The following PRKDC variants were observed in gnomAD, a reference collection of about 807,000 sequenced individuals.
PRKDC encodes the protein DNA-dependent protein kinase catalytic subunit.
In PRKDC, 82 loss-of-function variants were observed where a neutral mutation model predicts 486.9. The ratio of observed to expected loss-of-function variants is 0.17; its 90% CI spans 0.14 to 0.20. The LOEUF (loss-of-function observed/expected upper bound fraction) is 0.20. PRKDC is among the 10% of genes least tolerant of loss of function. PRKDC has a pLI of 1.00. For synonymous variants in PRKDC, 1,895 were observed against 1,837.0 expected (o/e 1.03, Z -0.81); for missense variants, 4,504 against 5,038.2 (o/e 0.89, Z 3.21).
intron 54 of PRKDC, among the ~76,000 whole-genome samples, chr8:47,844,836 T>G (rs2088231791): frequency 6.6e-6 from 1 of 152,126 alleles, no homozygotes; most frequent in Non-Finnish European, 1.5e-5. Flanking sequence ...TTTTTTCAAT[T>G]AAGGAAAACA....
intron 54 of PRKDC, 56 bp from the exon 55 acceptor site, chr8:47,840,245 C>A: frequency 7.1e-7 from 1 of 1,412,660 alleles, no homozygotes; most frequent in South Asian, 1.3e-5. Context: ...ATTGCACTTT[C>A]AAAGTATGAC....
At chr8:47,900,320 T>C in intron 28 of PRKDC, 53 bp downstream of exon 28, 1 of 1,336,268 alleles carries the variant, frequency 7.5e-7, no homozygotes, top group Non-Finnish European at 1.0e-6. Flanking sequence ...AACTCCTCAT[T>C]GGGGAAACTC....
At chr8:47,927,388 C>A (rs1402071682) in intron 20 of PRKDC, 35 bp from the exon 21 acceptor site, 2 of 1,575,192 alleles carry the variant, frequency 1.3e-6, no homozygotes, top group Non-Finnish European at 1.7e-6. Context: ...AACTGAAACG[C>A]AGGAAATATA....
chr8:47,888,773 C>A (rs770622888), intron 33 of PRKDC, 123 bp from the exon 34 acceptor site: 3 of 1,341,282 alleles, frequency 2.2e-6, no homozygotes, highest in South Asian at 1.6e-5. Context: ...AGGATCCACA[C>A]GCACTAAGCT....
chr8:47,826,484 C>T lies in PRKDC; in HGVS notation c.8783+172G>A, dbSNP rs8178200. 2.0e-5 allele frequency among the ~76,000 whole-genome samples: 3 copies of T among 152,218 alleles called. No individual in the cohort carries two copies. In the South Asian group the frequency reaches 6.2e-4, roughly 31 times the overall value. ...AGCAAGACATTACTTGTTGTGGCAA[C>T]TGTTCTTGCCTTTGAGAATGGTACT... On this transcript the variant is annotated intron_variant, in intron 63 of 85. Coordinates refer to ENST00000314191, the MANE Select transcript of PRKDC (RefSeq NM_006904.7).
chr8:47,898,637 T>A, intron 28 of PRKDC, 68 bp from the exon 29 acceptor site: 2 of 1,000,752 alleles, frequency 2.0e-6, no homozygotes, highest in Non-Finnish European at 2.6e-6. Context: ...AAATTTGTAT[T>A]ATAAATGTGT....
At chr8:47,835,621 A>C (rs1329744038) in intron 58 of PRKDC, among the ~76,000 whole-genome samples, 18 of 77,588 alleles carry the variant, frequency 2.3e-4, no homozygotes, top group African/African-American at 1.0e-3. Flanking sequence ...ACTCTGTCTC[A>C]AAAAAAAAAA....
At chr8:47,907,201 C>T (rs1314953822) in intron 25 of PRKDC, among the ~76,000 whole-genome samples, 3 of 151,096 alleles carry the variant, frequency 2.0e-5, no homozygotes, top group East Asian at 1.9e-4. Flanking sequence ...CCACCACGCC[C>T]GGCTAATTTT....
chr8:47,796,181 C>T (rs6982040), intron 73 of PRKDC, among the ~76,000 whole-genome samples: 4,388 of 152,106 alleles, frequency 0.029, 213 homozygotes, highest in African/African-American at 0.097. Context: ...GCATGAGCCA[C>T]GGTAAAGAAT....
intron 15 of PRKDC, 60 bp from the exon 16 acceptor site, chr8:47,933,232 A>G: frequency 3.7e-6 from 5 of 1,338,400 alleles, no homozygotes; most frequent in Admixed American, 3.2e-5. Context: ...TTAGTATTTT[A>G]TAAGCATTAA....
chr8:47,788,208 G>C (rs1018784956), intron 76 of PRKDC, among the ~76,000 whole-genome samples: 1 of 152,252 alleles, frequency 6.6e-6, no homozygotes, highest in African/African-American at 2.4e-5. Flanking sequence ...GGAGATCCCT[G>C]CGTGGGGAGG....
chr8:47,774,037 C>T lies in PRKDC; in HGVS notation c.*136G>A. The stretch of plus-strand genomic sequence containing the variant: ...ACTCATCATAATCTTGATTTAAACT[C>T]ATGCTACGAAACTGTAGCACAAAAG... On this transcript the variant is annotated 3_prime_UTR_variant, in exon 86 of 86. Coordinates refer to ENST00000314191, the MANE Select transcript of PRKDC (RefSeq NM_006904.7). The T allele has an allele frequency of 1.2e-6, 1 of 851,748 alleles. No individual in the cohort carries two copies. The highest frequency in any genetic ancestry group is 1.8e-6 in the Non-Finnish European group (1 of 568,614). The allele number at this position is 851,748 out of a possible 1,614,324, so 52.8% of individuals were successfully genotyped here. A position where few individuals can be genotyped will look rare whatever the true frequency, so the allele number is the denominator to read the frequency against.
intron 41 of PRKDC, 144 bp from the exon 42 acceptor site, chr8:47,863,721 C>T: frequency 1.5e-6 from 1 of 657,294 alleles, no homozygotes; most frequent in East Asian, 2.9e-5. Flanking sequence ...AATAAGAAAG[C>T]ATGCAATTGT....
chr8:47,826,620 C>G (rs781247337), intron 63 of PRKDC, 36 bp downstream of exon 63: 1 of 1,574,248 alleles, frequency 6.4e-7, no homozygotes, highest in Non-Finnish European at 8.7e-7. Context: ...TGGTCAAATC[C>G]AGTGTGCTCC....
intron 18 of PRKDC, among the ~76,000 whole-genome samples, chr8:47,929,581 A>G (rs2090216016): frequency 6.6e-6 from 1 of 152,208 alleles, no homozygotes; most frequent in African/African-American, 2.4e-5. Flanking sequence ...GCAGAAAGCA[A>G]TGCTCAAGGC....
intron 69 of PRKDC, among the ~76,000 whole-genome samples, chr8:47,806,146 C>A (rs1042002329): frequency 1.3e-5 from 2 of 152,212 alleles, no homozygotes; most frequent in East Asian, 1.9e-4. Flanking sequence ...CTCTTCCCTG[C>A]GCCCTCCAGG....
At chr8:47,889,975 A>G (rs2089423858) in intron 32 of PRKDC, among the ~76,000 whole-genome samples, 2 of 152,202 alleles carry the variant, frequency 1.3e-5, no homozygotes, top group African/African-American at 2.4e-5. Flanking sequence ...ATCATGCTGT[A>G]TACCATAAAT....
chr8:47,828,340 G>A lies in PRKDC; in HGVS notation c.8405C>T (p.Pro2802Leu). ...TPLQAVAQRD[P>L]IIAKQLFSSL... ...GCTAAAGAGCTGTTTTGCAATTATT[G>A]GGTCCCTCTGTAAAAAATTCAAAAC... is the stretch of plus-strand genomic sequence containing the variant. The change falls in exon 62 of 86, where the codon CCA becomes CTA. Residue 2802 changes from proline to leucine, a missense_variant. Physicochemically the swap from Pro to Leu is moderately conservative, Grantham distance 98 (BLOSUM62 -3). Coordinates refer to ENST00000314191, the MANE Select transcript of PRKDC (RefSeq NM_006904.7). The A allele has an allele frequency of 6.4e-7, 1 of 1,551,100 alleles. No homozygotes were observed. The highest frequency in any genetic ancestry group is 8.7e-7 in the Non-Finnish European group (1 of 1,151,120).
At chr8:47,934,756 G>A (rs1312091892) in intron 14 of PRKDC, among the ~76,000 whole-genome samples, 1 of 152,116 alleles carries the variant, frequency 6.6e-6, no homozygotes, top group Non-Finnish European at 1.5e-5. Flanking sequence ...AGAGTTTCAA[G>A]AGAGAAAACA....
Sources: allele counts gnomAD v4.1 joint callset (sites outside exome capture counted in the v4.1 genomes callset), GRCh38; gene constraint gnomAD v4.1.1; transcripts MANE v1.5; gene names NCBI Gene and HGNC (gene_info 2026-07-23, HGNC 2026-07-21).